Variants in NRXN3 observed in about 807,000 individuals in gnomAD.
NRXN3 encodes neurexin 3.
In NRXN3, 32 loss-of-function variants were observed where a neutral mutation model predicts 137.6. That is an observed-to-expected ratio of 0.23 (90% confidence interval 0.18 to 0.31). The LOEUF is 0.31. NRXN3 is among the 10% of genes least tolerant of loss of function. The pLI is 1.00. For synonymous variants in NRXN3, 798 were observed against 784.5 expected, an observed-to-expected ratio of 1.02 and a Z score of -0.29; for missense variants, 1,574 against 2,062.5, an observed-to-expected ratio of 0.76 and a Z score of 4.59.
At chr14:79,849,061 A>T (rs2099386410) in intron 20 of NRXN3, among the ~76,000 whole-genome samples, 1 of 152,156 alleles carries the variant, frequency 6.6e-6, no homozygotes. Flanking sequence ...CCCCACACCC[A>T]GTCAAGAAGT....
At chr14:79,592,087 C>A (rs1053723218) in intron 16 of NRXN3, among the ~76,000 whole-genome samples, 1 of 152,156 alleles carries the variant, frequency 6.6e-6, no homozygotes, top group Non-Finnish European at 1.5e-5. Context: ...GCCCAATTCT[C>A]CCCTTCCTCT....
At chr14:79,853,904 C>T (rs768603184) in intron 20 of NRXN3, 25 of 990,728 alleles carry the variant, frequency 2.5e-5, no homozygotes, top group South Asian at 4.5e-5. Context: ...TCATAGCAAT[C>T]GGAATTATTT....
chr14:78,215,052 G>A (rs1158503480), intron 1 of NRXN3, among the ~76,000 whole-genome samples: 1 of 152,180 alleles, frequency 6.6e-6, no homozygotes, highest in African/African-American at 2.4e-5. Flanking sequence ...ATATGTGAAA[G>A]AGTGCTCTTT....
At chr14:78,517,871 A>G (rs1007956674) in intron 4 of NRXN3, among the ~76,000 whole-genome samples, 4 of 152,306 alleles carry the variant, frequency 2.6e-5, no homozygotes, top group African/African-American at 9.6e-5. Context: ...AGATTGTCAG[A>G]AAAAGCTTGT....
intron 10 of NRXN3, among the ~76,000 whole-genome samples, chr14:78,897,701 T>G (rs891527721): frequency 1.3e-5 from 2 of 151,894 alleles, no homozygotes; most frequent in African/African-American, 4.8e-5. Flanking sequence ...CATTACACAT[T>G]TATCCCAAGT....
At chr14:79,653,084 A>G (rs1276880095) in intron 16 of NRXN3, among the ~76,000 whole-genome samples, 2 of 152,172 alleles carry the variant, frequency 1.3e-5, no homozygotes, top group African/African-American at 2.4e-5. Context: ...GCAGACAGGC[A>G]CTGCTGATAT....
At chr14:79,060,185 G>C (rs1006657417) in intron 15 of NRXN3, among the ~76,000 whole-genome samples, 1 of 152,224 alleles carries the variant, frequency 6.6e-6, no homozygotes, top group Non-Finnish European at 1.5e-5. Context: ...CCCATTCAAT[G>C]TTCTGTTGGA....
At chr14:78,677,840 A>G (rs181611234) in intron 6 of NRXN3, among the ~76,000 whole-genome samples, 1 of 152,300 alleles carries the variant, frequency 6.6e-6, no homozygotes, top group Admixed American at 6.5e-5. Context: ...ATCAGTGGTT[A>G]TCAAAACTGA....
chr14:79,077,965 T>C (rs1485969281), intron 15 of NRXN3, among the ~76,000 whole-genome samples: 1 of 152,174 alleles, frequency 6.6e-6, no homozygotes, highest in Non-Finnish European at 1.5e-5. Flanking sequence ...AGTTTCTAGT[T>C]TGAGGGAGCT....
intron 16 of NRXN3, among the ~76,000 whole-genome samples, chr14:79,627,735 G>A (rs221486): frequency 0.34 from 50,988 of 151,970 alleles, 11,512 homozygotes; most frequent in African/African-American, 0.65. Context: ...TTAAAGTTCA[G>A]ATGATGGTAA....
At chr14:78,210,089 C>T (rs8004952) in intron 1 of NRXN3, among the ~76,000 whole-genome samples, 44,746 of 152,126 alleles carry the variant, frequency 0.29, 6,808 homozygotes, top group African/African-American at 0.34. Flanking sequence ...ACACAAGGAT[C>T]ACTGCCTGTC....
intron 8 of NRXN3, among the ~76,000 whole-genome samples, chr14:78,797,151 G>T (rs998230811): frequency 6.6e-6 from 1 of 152,158 alleles, no homozygotes; most frequent in South Asian, 2.1e-4. Flanking sequence ...ACCTTTCTGA[G>T]GGGGGAGACG....
intron 4 of NRXN3, among the ~76,000 whole-genome samples, chr14:78,368,711 C>T (rs928787506): frequency 6.6e-6 from 1 of 152,116 alleles, no homozygotes; most frequent in Admixed American, 6.6e-5. Context: ...ACAACAACAA[C>T]AAAAACTGGA....
At chr14:78,563,473 A>G (rs1221977883) in intron 4 of NRXN3, among the ~76,000 whole-genome samples, 1 of 152,176 alleles carries the variant, frequency 6.6e-6, no homozygotes, top group African/African-American at 2.4e-5. Flanking sequence ...TGAAGGGAAT[A>G]AGCAGTGAGT....
intron 15 of NRXN3, among the ~76,000 whole-genome samples, chr14:79,348,410 C>G (rs1391620850): frequency 6.8e-6 from 1 of 147,258 alleles, no homozygotes; most frequent in African/African-American, 2.6e-5. Context: ...GAGTCTCGCT[C>G]TGTCGCCCAG....
chr14:79,576,295 T>C (rs1312654826), intron 16 of NRXN3, among the ~76,000 whole-genome samples: 3 of 152,160 alleles, frequency 2.0e-5, no homozygotes, highest in Non-Finnish European at 2.9e-5. Flanking sequence ...TGGATATTCT[T>C]TCCCTTTCAG....
chr14:79,216,483 C>T (rs753350204), intron 15 of NRXN3, among the ~76,000 whole-genome samples: 1 of 152,076 alleles, frequency 6.6e-6, no homozygotes. Context: ...TGCAAAAGAG[C>T]GTGTTGGATG....
intron 10 of NRXN3, among the ~76,000 whole-genome samples, chr14:78,891,107 T>C (rs745591619): frequency 6.6e-6 from 1 of 151,916 alleles, no homozygotes; most frequent in African/African-American, 2.4e-5. Context: ...GGAATAAGAC[T>C]TCTAAGCCCA....
chr14:78,553,243 A>G (rs2096709187), intron 4 of NRXN3, among the ~76,000 whole-genome samples: 1 of 152,300 alleles, frequency 6.6e-6, no homozygotes, highest in African/African-American at 2.4e-5. Flanking sequence ...GAGGGGTCCT[A>G]TATTCATTTC....
Sources: allele counts gnomAD v4.1 joint callset (sites outside exome capture counted in the v4.1 genomes callset), GRCh38; gene constraint gnomAD v4.1.1; transcripts MANE v1.5; gene names NCBI Gene and HGNC (gene_info 2026-07-23, HGNC 2026-07-21).